The following PSG7 variants were observed in gnomAD, a reference collection of about 807,000 sequenced individuals.
The protein encoded by PSG7 is pregnancy-specific beta-1-glycoprotein 7.
In PSG7, 57 loss-of-function variants were observed where a neutral mutation model predicts 45.6. The ratio of observed to expected loss-of-function variants is 1.25; its 90% CI spans 1.01 to 1.56. The LOEUF (loss-of-function observed/expected upper bound fraction) is 1.56, where lower values mean the gene tolerates loss of function less well. Among genes scored for constraint, PSG7 ranks in the 40% most tolerant of loss-of-function variants. The probability of loss-of-function intolerance (pLI) is 0.00; values close to 1 mark genes in which losing one functional copy is unlikely to be tolerated. For missense variants in PSG7, 796 were observed against 508.4 expected (o/e 1.57, Z -5.44); for synonymous variants, 298 against 194.4 (o/e 1.53, Z -4.43).
At chr19:42,930,031 C>T (rs1277771668) in intron 2 of PSG7, among the ~76,000 whole-genome samples, 10 of 151,674 alleles carry the variant, frequency 6.6e-5, no homozygotes, top group Non-Finnish European at 1.3e-4. Context: ...TCTCCAACTG[C>T]CTGCCTGGCC....
intron 5 of PSG7, chr19:42,925,116 C>T (rs1600560195): frequency 2.2e-6 from 1 of 455,816 alleles, no homozygotes; most frequent in East Asian, 3.8e-5. Context: ...TTACAAAACT[C>T]TTGAGAATAG....
chr19:42,935,907 CACA>C (rs1973142789), intron 1 of PSG7, 138 bp from the exon 2 acceptor site: 1 of 1,054,952 alleles, frequency 9.5e-7, no homozygotes, highest in Non-Finnish European at 1.3e-6. Flanking sequence ...CACACACACA[CACA>C]CACAAACACA....
At chr19:42,932,365 G>T (rs571661719) in intron 2 of PSG7, among the ~76,000 whole-genome samples, 10 of 151,604 alleles carry the variant, frequency 6.6e-5, no homozygotes, top group Admixed American at 2.6e-4. Context: ...TTTGTTCAGC[G>T]TTTTACTTAG....
rs200257675 is a variant in PSG7, at chr19:42,929,471, C to G, written c.680G>C (p.Arg227Pro). The G allele has an allele frequency of 1.2e-6, 2 of 1,612,432 alleles. No homozygotes were observed. Among genetic ancestry groups the G allele is most frequent in the South Asian group, 1.1e-5 (1 of 90,790 alleles). Residue 227 changes from arginine (R) to proline (P), a missense_variant, in exon 3 of 6, where the codon CGC (arginine) becomes CCC (proline). Transcript: ENST00000406070. The stretch of plus-strand genomic sequence containing the variant: ...GAGATTCAGGGTGACTGGGTCACTG[C>G]GGCTGGCACTCACTGGGTTCCGTAT... Reference protein sequence around the residue: ...CEIRNPVSASRSDPVTLNLLP... With the variant: ...CEIRNPVSASPSDPVTLNLLP...
At position 42,935,759 on chromosome 19, in the gene PSG7, TAA is replaced by T; in HGVS notation, c.73_74del (p.Leu25LysfsTer14). Reference sequence around the variant, plus strand: ...CTGTGGTGGGCGGGTTCCAGAAGTTTAAAAGTGATGCTAGGAGGTGGAGAGAG... The same window carrying T: ...CTGTGGTGGGCGGGTTCCAGAAGTTTAAGTGATGCTAGGAGGTGGAGAGAG... The part of the protein sequence containing the change: ...WKGLLLTASL[L>X]NFWNPPTTAQ... On this transcript the variant is annotated frameshift_variant, in exon 2 of 6. Coordinates refer to ENST00000406070, the MANE Select transcript of PSG7 (RefSeq NM_002783.3). LOFTEE classifies it high-confidence loss of function. The T allele has an allele frequency of 6.2e-7, 1 of 1,609,882 alleles. No homozygotes were observed. Among genetic ancestry groups the T allele is most frequent in the Non-Finnish European group, 8.5e-7 (1 of 1,178,146 alleles).
In PSG7 at chr19:42,926,613, G is replaced by T. The variant is rs1355341371; in HGVS notation, c.813C>A (p.Tyr271Ter). The stretch of plus-strand genomic sequence containing the variant: ...GGCTCTGACCATTTAGCCACCAAAT[G>T]TAGGTGTAGTTCTCACTCTTAGGTT... Reference protein sequence around the residue: ...TCEPKSENYTYIWWLNGQSLP... With the variant: ...TCEPKSENYT The change falls in exon 4 of 6, where the codon TAC (tyrosine) becomes TAA (stop). Residue 271 changes from tyrosine (Y) to a stop codon, truncating the protein, a stop_gained. Transcript: ENST00000406070. LOFTEE classifies it high-confidence loss of function. The T allele has an allele frequency of 6.2e-7, 1 of 1,610,346 alleles. No individual in the cohort carries two copies. Among genetic ancestry groups the T allele is most frequent in the Non-Finnish European group, 8.5e-7 (1 of 1,179,056 alleles).
In PSG7 at chr19:42,924,365, A is replaced by G. The variant is rs1972480221; in HGVS notation, c.*443T>C. Reference sequence around the variant, plus strand: ...CTGTATGCAAGATGGAGAGAGCCACATTTCCTCCTGAGATGTTATGTAAAA... The same window carrying G: ...CTGTATGCAAGATGGAGAGAGCCACGTTTCCTCCTGAGATGTTATGTAAAA... On this transcript the variant is annotated 3_prime_UTR_variant, in exon 6 of 6. Transcript: ENST00000406070. The G allele has an allele frequency of 1.2e-5, 5 of 424,378 alleles. No homozygotes were observed. In the East Asian group the frequency reaches 1.7e-4, roughly 14 times the overall value. The allele number at this position is 424,378 out of a possible 1,614,324, so 26.3% of individuals were successfully genotyped here. A position where few individuals can be genotyped will look rare whatever the true frequency, so the allele number is the denominator to read the frequency against.
At chr19:42,936,527 A>G (rs182739723) in intron 1 of PSG7, 1 of 163,020 alleles carries the variant, frequency 6.1e-6, no homozygotes, top group African/African-American at 2.4e-5. Flanking sequence ...AGAACACTTA[A>G]GATTTTCCTA....
At chr19:42,936,089 A>T in intron 1 of PSG7, 1 of 352,650 alleles carries the variant, frequency 2.8e-6, no homozygotes, top group Non-Finnish European at 5.0e-6. Flanking sequence ...CACTGCCCTC[A>T]GGTTCTGCTC....
At chr19:42,932,383 A>T (rs966071127) in intron 2 of PSG7, among the ~76,000 whole-genome samples, 1 of 151,472 alleles carries the variant, frequency 6.6e-6, no homozygotes, top group Non-Finnish European at 1.5e-5. Flanking sequence ...TAGTGTTAGA[A>T]CCGAGTGACA....
chr19:42,929,541 G>A lies in PSG7; in HGVS notation c.610C>T (p.Leu204=), dbSNP rs1478971337. 1 of 1,612,494 alleles carries A rather than the reference G, an allele frequency of 6.2e-7. No individual in the cohort carries two copies. Among genetic ancestry groups the A allele is most frequent in the African/African-American group, 1.3e-5 (1 of 74,696 alleles). Residue 204 remains leucine (L), a synonymous_variant, in exon 3 of 6, where the codon CTA becomes TTA. Coordinates refer to ENST00000406070, the MANE Select transcript of PSG7 (RefSeq NM_002783.3). ...QLSETNRTLY[L]FGVTNYTAGP... is the part of the protein sequence containing the mutation. ...GCAGTATAGTTTGTGACACCAAATAGGTAGAGGGTCCTGTTGGTTTCAGAC... is the reference window on the plus strand; with the variant it reads ...GCAGTATAGTTTGTGACACCAAATAAGTAGAGGGTCCTGTTGGTTTCAGAC...
intron 2 of PSG7, among the ~76,000 whole-genome samples, chr19:42,933,045 C>G (rs1159647298): frequency 6.7e-6 from 1 of 149,614 alleles, no homozygotes; most frequent in African/African-American, 2.5e-5. Flanking sequence ...TACCTAGAGG[C>G]AGATTCAAGC....
intron 4 of PSG7, 155 bp from the exon 5 acceptor site, chr19:42,926,182 T>G (rs1972883416): frequency 1.4e-6 from 2 of 1,420,560 alleles, no homozygotes; most frequent in Non-Finnish European, 1.9e-6. Context: ...CCTGAGGTAT[T>G]CACCTGTTTC....
intron 1 of PSG7, chr19:42,936,392 T>G (rs1973153550): frequency 6.4e-6 from 1 of 157,126 alleles, no homozygotes; most frequent in Admixed American, 6.3e-5. Context: ...CTCCCAATTG[T>G]TGAGGTTTTT....
intron 3 of PSG7, chr19:42,929,142 C>T: frequency 3.6e-6 from 2 of 557,644 alleles, no homozygotes; most frequent in Non-Finnish European, 5.9e-6. Flanking sequence ...CAAGTCGCAA[C>T]ACTGAAGTCC....
intron 2 of PSG7, 127 bp from the exon 3 acceptor site, chr19:42,929,847 G>A (rs181405835): frequency 2.2e-6 from 3 of 1,393,450 alleles, no homozygotes; most frequent in African/African-American, 1.5e-5. Flanking sequence ...CATGGCAGGT[G>A]TGTGTGTTAC....
Position 42,935,733 on chromosome 19 carries a change from G to A in PSG7, c.101C>T (p.Ala34Val). 1.2e-6 allele frequency: 2 copies of A among 1,611,530 alleles called. No individual in the cohort carries two copies. The highest frequency in any genetic ancestry group is 1.7e-6 in the Non-Finnish European group (2 of 1,178,898). Residue 34 changes from alanine (A) to valine (V), a missense_variant, in exon 2 of 6, where the codon GCC becomes GTC. Ala to Val is a moderately conservative substitution (Grantham distance 64). Transcript: ENST00000406070. ...TGGCTGGGCTTCAATCGTGACTTGG[G>A]CTGTGGTGGGCGGGTTCCAGAAGTT... Reference protein sequence around the residue: ...LLNFWNPPTTAQVTIEAQPPK... With the variant: ...LLNFWNPPTTVQVTIEAQPPK...
At chr19:42,935,906 ACACACAC>A (rs1973142726) in intron 1 of PSG7, 137 bp from the exon 2 acceptor site, 1 of 1,253,300 alleles carries the variant, frequency 8.0e-7, no homozygotes, top group Admixed American at 2.5e-5. Context: ...ACACACACAC[ACACACAC>A]AAACACACAC....
chr19:42,932,822 C>T (rs991720477), intron 2 of PSG7, among the ~76,000 whole-genome samples: 4 of 151,526 alleles, frequency 2.6e-5, no homozygotes, highest in Admixed American at 1.3e-4. Context: ...CTGAATTCTG[C>T]TAAAATGTTG....
Sources: allele counts gnomAD v4.1 joint callset (sites outside exome capture counted in the v4.1 genomes callset), GRCh38; gene constraint gnomAD v4.1.1; transcripts MANE v1.5; gene names NCBI Gene and HGNC (gene_info 2026-07-23, HGNC 2026-07-21).